Variants in FBN2 observed in about 807,000 individuals in gnomAD.
The protein encoded by FBN2 is fibrillin-2.
A neutral mutation model predicts 355.6 loss-of-function variants in FBN2; 105 were observed. The ratio of observed to expected loss-of-function variants is 0.30; its 90% confidence interval spans 0.25 to 0.35. The LOEUF (loss-of-function observed/expected upper bound fraction) is 0.35, where lower values mean the gene tolerates loss of function less well. Among genes scored for constraint, FBN2 ranks in the 10% least tolerant of loss-of-function variants. The probability of loss-of-function intolerance (pLI) is 1.00; values close to 1 mark genes in which losing one functional copy is unlikely to be tolerated. For missense variants in FBN2, 3,280 were observed against 3,758.7 expected (o/e 0.87, Z 3.33); for synonymous variants, 1,350 against 1,301.2 (o/e 1.04, Z -0.81).
intron 7 of FBN2, among the ~76,000 whole-genome samples, chr5:128,432,626 G>A (rs1224531131): frequency 3.9e-5 from 6 of 152,080 alleles, no homozygotes; most frequent in Non-Finnish European, 7.4e-5. Flanking sequence ...TTTAGTGTTC[G>A]GATCTAGAAA....
chr5:128,348,562 G>A (rs971503452), intron 23 of FBN2, among the ~76,000 whole-genome samples: 14 of 151,880 alleles, frequency 9.2e-5, no homozygotes, highest in African/African-American at 3.1e-4. Context: ...ATACTTTAAA[G>A]GTGATTGCAT....
At chr5:128,514,920 C>G (rs965889458) in intron 5 of FBN2, among the ~76,000 whole-genome samples, 1 of 152,150 alleles carries the variant, frequency 6.6e-6, no homozygotes, top group African/African-American at 2.4e-5. Flanking sequence ...ATCAAATTCA[C>G]TGGGTATAGA....
In FBN2 at chr5:128,302,950, AAAG is replaced by A; in HGVS notation, c.5917+20_5917+22del. ...TGTGTGGAAATGAAATAGAAGCAAT[AAAG>A]GACTGAATGAAGTACTTACCCAGGC... is the stretch of plus-strand genomic sequence containing the variant. On this transcript the variant is annotated intron_variant, in intron 46 of 64. Coordinates refer to ENST00000262464, the MANE Select transcript of FBN2 (RefSeq NM_001999.4). The A allele has an allele frequency of 8.3e-7, 1 of 1,206,824 alleles. No homozygotes were observed. Among genetic ancestry groups the A allele is most frequent in the Non-Finnish European group, 1.2e-6 (1 of 807,782 alleles). The allele number at this position is 1,206,824 out of a possible 1,614,324, so 74.8% of individuals were successfully genotyped here.
intron 5 of FBN2, among the ~76,000 whole-genome samples, chr5:128,475,382 C>T (rs541875468): frequency 2.7e-4 from 41 of 152,060 alleles, no homozygotes; most frequent in African/African-American, 9.4e-4. Context: ...AGAGTGAATC[C>T]TTTCAATATT....
chr5:128,269,387 A>C (rs1765208273), intron 62 of FBN2, among the ~76,000 whole-genome samples: 2 of 150,880 alleles, frequency 1.3e-5, no homozygotes, highest in Non-Finnish European at 3.0e-5. Flanking sequence ...TGCAGGGAGG[A>C]GGTGGAAGTT....
chr5:128,499,842 C>T (rs938470039), intron 5 of FBN2, among the ~76,000 whole-genome samples: 1 of 151,578 alleles, frequency 6.6e-6, no homozygotes, highest in Non-Finnish European at 1.5e-5. Flanking sequence ...TTGGAATGTA[C>T]TTTGTGTGCT....
At chr5:128,447,589 T>G (rs1321895693) in intron 6 of FBN2, among the ~76,000 whole-genome samples, 1 of 152,214 alleles carries the variant, frequency 6.6e-6, no homozygotes, top group South Asian at 2.1e-4. Flanking sequence ...CGAAACTTCA[T>G]TAGCAATTTT....
intron 14 of FBN2, 84 bp from the exon 15 acceptor site, chr5:128,374,834 C>G: frequency 4.3e-6 from 6 of 1,410,620 alleles, no homozygotes; most frequent in Non-Finnish European, 6.0e-6. Context: ...CTGCTCTATA[C>G]TACTAACCTT....
At position 128,290,942 on chromosome 5, in the gene FBN2, AC is replaced by A; in HGVS notation, c.6293-59del. The A allele has an allele frequency of 2.0e-6, 3 of 1,523,014 alleles. No individual in the cohort carries two copies. The South Asian group carries it at 3.4e-5, about 17-fold the overall frequency. 94.3% of individuals were successfully genotyped at this position (1,523,014 alleles called of 1,614,324 possible). On this transcript the variant is annotated intron_variant, in intron 49 of 64. Coordinates refer to ENST00000262464, the MANE Select transcript of FBN2 (RefSeq NM_001999.4). The stretch of plus-strand genomic sequence containing the variant: ...TATTTTGTAACACTGTTTGGACAGA[AC>A]ATTTCTCATTGTAGAACACGGGATG...
intron 6 of FBN2, among the ~76,000 whole-genome samples, chr5:128,447,939 T>C (rs977169019): frequency 4.6e-5 from 7 of 152,258 alleles, no homozygotes; most frequent in Non-Finnish European, 1.0e-4. Flanking sequence ...CATACTGTTA[T>C]GTGGACAATC....
chr5:128,404,141 C>T (rs957420203), intron 8 of FBN2, among the ~76,000 whole-genome samples: 5 of 152,116 alleles, frequency 3.3e-5, no homozygotes, highest in African/African-American at 7.2e-5. Context: ...AAATAAATAG[C>T]GTGCAAATAT....
rs13436885 is a variant in FBN2, at chr5:128,300,991, G to T, written c.6047-55C>A. 3 of 1,526,782 alleles carry T rather than the reference G, an allele frequency of 2.0e-6. No individual in the cohort carries two copies. The African/African-American group carries it at 4.1e-5, about 21-fold the overall frequency. The allele number at this position is 1,526,782 out of a possible 1,614,324, so 94.6% of individuals were successfully genotyped here. On this transcript the variant is annotated intron_variant, in intron 47 of 64. Transcript: ENST00000262464. ...TTAAGCATGAGATAATTGTTACATA[G>T]ATTTATCTGTCTGCCAAATGATATT...
chr5:128,433,051 C>T (rs1044165836), intron 7 of FBN2, among the ~76,000 whole-genome samples: 1 of 152,094 alleles, frequency 6.6e-6, no homozygotes, highest in African/African-American at 2.4e-5. Context: ...CAATCACCTC[C>T]CACCAAGTCC....
At chr5:128,527,521 G>T (rs1326721089) in intron 4 of FBN2, among the ~76,000 whole-genome samples, 1 of 152,020 alleles carries the variant, frequency 6.6e-6, no homozygotes, top group Non-Finnish European at 1.5e-5. Context: ...AAGAAAGAAA[G>T]ATCACAGAAA....
intron 34 of FBN2, chr5:128,328,359 C>G (rs1393611192): frequency 1.8e-6 from 1 of 553,930 alleles, no homozygotes; most frequent in African/African-American, 1.9e-5. Context: ...GTAGTTGAGA[C>G]AAGTAATGGA....
At chr5:128,368,548 G>T (rs557735931) in intron 16 of FBN2, among the ~76,000 whole-genome samples, 4 of 148,966 alleles carry the variant, frequency 2.7e-5, no homozygotes, top group African/African-American at 9.8e-5. Context: ...AACCTTGAAA[G>T]TGGTAAGTAA....
At chr5:128,502,781 T>A (rs1041194838) in intron 5 of FBN2, among the ~76,000 whole-genome samples, 2 of 152,174 alleles carry the variant, frequency 1.3e-5, no homozygotes, top group African/African-American at 4.8e-5. Context: ...TAATAATTTT[T>A]AAAAAATTTT....
intron 6 of FBN2, among the ~76,000 whole-genome samples, chr5:128,459,443 C>T (rs941244897): frequency 6.6e-6 from 1 of 152,176 alleles, no homozygotes. Context: ...TCCTCCCTAA[C>T]TCATTTTATG....
At position 128,308,551 on chromosome 5, in the gene FBN2, T is replaced by G. The variant is rs115434678; in HGVS notation, c.5353+696A>C. Among the ~76,000 whole-genome samples the G allele has an allele frequency of 2.3e-3, 343 of 152,282 alleles. 1 individual carries two copies. Among genetic ancestry groups the G allele is most frequent in the African/African-American group, 7.6e-3 (316 of 41,562 alleles). On this transcript the variant is annotated intron_variant, in intron 41 of 64. Coordinates refer to ENST00000262464, the MANE Select transcript of FBN2 (RefSeq NM_001999.4). ...TGGCCTACTGGTTCAACTCTTAGTA[T>G]CTATAGTTATTAAAAGTTGCCATTC...
Sources: allele counts gnomAD v4.1 joint callset (sites outside exome capture counted in the v4.1 genomes callset), GRCh38; gene constraint gnomAD v4.1.1; transcripts MANE v1.5; gene names NCBI Gene and HGNC (gene_info 2026-07-23, HGNC 2026-07-21).